Variants in SORCS1 observed in about 807,000 individuals in gnomAD.
The protein encoded by SORCS1 is VPS10 domain-containing receptor SorCS1.
Under a neutral mutation model 146.1 loss-of-function variants are expected in SORCS1, and 60 were observed. The observed-to-expected ratio is 0.41, with a 90% CI of 0.33 to 0.51. SORCS1 has a LOEUF of 0.51. SORCS1 is among the 20% of genes least tolerant of loss of function. The pLI is 0.21. For missense variants in SORCS1, 1,352 were observed against 1,487.6 expected (o/e 0.91, Z 1.50); for synonymous variants, 637 against 584.0 (o/e 1.09, Z -1.31).
chr10:106,938,130 G>A (rs971256617), intron 2 of SORCS1, among the ~76,000 whole-genome samples: 1 of 152,094 alleles, frequency 6.6e-6, no homozygotes, highest in Admixed American at 6.5e-5. Context: ...AAGAGAAGAG[G>A]ATGTAGAAAC....
intron 6 of SORCS1, among the ~76,000 whole-genome samples, chr10:106,722,396 T>C (rs981757236): frequency 3.3e-5 from 5 of 152,148 alleles, no homozygotes; most frequent in African/African-American, 1.2e-4. Context: ...AGCTGGTGGA[T>C]AGGAAGTAGA....
At chr10:107,166,580 A>C (rs577425489), upstream of SORCS1, among the ~76,000 whole-genome samples, 1 of 152,358 alleles carries the variant, frequency 6.6e-6, no homozygotes, top group East Asian at 1.9e-4. Context: ...TAGATGGAGG[A>C]GAGGAGAGCC....
At chr10:107,035,246 T>G (rs1393850285) in intron 1 of SORCS1, among the ~76,000 whole-genome samples, 1 of 141,134 alleles carries the variant, frequency 7.1e-6, no homozygotes, top group Non-Finnish European at 1.5e-5. Flanking sequence ...TTAGAGCATT[T>G]GGTCCAGTGA....
At chr10:106,842,517 A>G (rs984971327) in intron 2 of SORCS1, among the ~76,000 whole-genome samples, 3 of 151,986 alleles carry the variant, frequency 2.0e-5, no homozygotes, top group Non-Finnish European at 4.4e-5. Flanking sequence ...TACAGGCGTG[A>G]GCCATTGTGT....
chr10:107,029,191 C>G (rs181706426), intron 1 of SORCS1, among the ~76,000 whole-genome samples: 3 of 152,206 alleles, frequency 2.0e-5, no homozygotes, highest in African/African-American at 7.2e-5. Flanking sequence ...AATTCCTAGA[C>G]AAACCTGACT....
chr10:107,117,128 T>G (rs1447021219), intron 1 of SORCS1, among the ~76,000 whole-genome samples: 1 of 152,206 alleles, frequency 6.6e-6, no homozygotes, highest in Non-Finnish European at 1.5e-5. Flanking sequence ...CTATCCCTAT[T>G]GCAAAAAGTG....
intron 1 of SORCS1, among the ~76,000 whole-genome samples, chr10:106,993,122 G>C (rs940582854): frequency 6.6e-6 from 1 of 151,090 alleles, no homozygotes; most frequent in Non-Finnish European, 1.5e-5. Context: ...GAGCCACCAC[G>C]CCCAGCCGGG....
chr10:107,066,518 A>T (rs1961870866), intron 1 of SORCS1, among the ~76,000 whole-genome samples: 1 of 152,130 alleles, frequency 6.6e-6, no homozygotes, highest in African/African-American at 2.4e-5. Context: ...ATCTGCTACA[A>T]GGCTCTACAA....
chr10:106,747,651 C>T (rs1029018643), intron 5 of SORCS1, among the ~76,000 whole-genome samples: 1 of 152,122 alleles, frequency 6.6e-6, no homozygotes, highest in Non-Finnish European at 1.5e-5. Flanking sequence ...ACTATGACAA[C>T]CCTATTTAAC....
chr10:107,052,981 A>G (rs1462600526), intron 1 of SORCS1, among the ~76,000 whole-genome samples: 1 of 152,174 alleles, frequency 6.6e-6, no homozygotes, highest in Non-Finnish European at 1.5e-5. Context: ...TATTACTTTA[A>G]GGATGTAATC....
At chr10:106,825,303 G>C (rs1027972524) in intron 3 of SORCS1, among the ~76,000 whole-genome samples, 1 of 131,432 alleles carries the variant, frequency 7.6e-6, no homozygotes, top group African/African-American at 2.9e-5. Context: ...ACTGAGTCTC[G>C]CTCTGTCACC....
intron 1 of SORCS1, among the ~76,000 whole-genome samples, chr10:106,958,078 G>A (rs1267498713): frequency 1.3e-5 from 2 of 152,176 alleles, no homozygotes; most frequent in Non-Finnish European, 1.5e-5. Context: ...CTGCAGCAAT[G>A]AACAGAGTCC....
intron 1 of SORCS1, among the ~76,000 whole-genome samples, chr10:107,005,557 C>T (rs1957405577): frequency 6.6e-6 from 1 of 151,928 alleles, no homozygotes; most frequent in Non-Finnish European, 1.5e-5. Context: ...AAGTTGTATT[C>T]CCTTTTTTCC....
chr10:107,065,800 G>A (rs1412621298), intron 1 of SORCS1, among the ~76,000 whole-genome samples: 1 of 152,070 alleles, frequency 6.6e-6, no homozygotes, highest in African/African-American at 2.4e-5. Flanking sequence ...TTGCAGGCAT[G>A]AGCCACCACT....
chr10:106,601,270 G>C (rs532439273), intron 23 of SORCS1, among the ~76,000 whole-genome samples: 80 of 152,274 alleles, frequency 5.3e-4, no homozygotes, highest in African/African-American at 1.8e-3. Flanking sequence ...TTTCTGTCTG[G>C]TGAAAAGCGT....
rs182859497 is a variant in SORCS1, at chr10:106,963,366, C to T, written c.559-6786G>A. ...TCCTGACCTTGTGATCCGCCCACCTCGGCCTCCCAAAGTGCTGGGATTACA... is the reference window on the plus strand; with the variant it reads ...TCCTGACCTTGTGATCCGCCCACCTTGGCCTCCCAAAGTGCTGGGATTACA... On this transcript the variant is annotated intron_variant, in intron 1 of 25. Transcript: ENST00000263054. Among the ~76,000 whole-genome samples, 96 of 152,054 alleles carry T rather than the reference C, an allele frequency of 6.3e-4. 1 individual carries two copies. The highest frequency in any genetic ancestry group is 3.4e-3 in the Middle Eastern group (1 of 292).
chr10:107,011,516 C>T (rs1957695758), intron 1 of SORCS1, among the ~76,000 whole-genome samples: 1 of 152,174 alleles, frequency 6.6e-6, no homozygotes, highest in African/African-American at 2.4e-5. Flanking sequence ...AATGATCACT[C>T]CATTAGATGC....
intron 2 of SORCS1, among the ~76,000 whole-genome samples, chr10:106,903,202 C>A (rs1386402777): frequency 6.6e-6 from 1 of 152,190 alleles, no homozygotes; most frequent in African/African-American, 2.4e-5. Context: ...ATGTTTCCAA[C>A]CATAACATCC....
chr10:107,099,260 T>C (rs1964753148), intron 1 of SORCS1, among the ~76,000 whole-genome samples: 1 of 152,250 alleles, frequency 6.6e-6, no homozygotes, highest in South Asian at 2.1e-4. Context: ...GATATATCTC[T>C]CTTTATGTTA....
Sources: gnomAD v4.1 joint callset for allele counts (sites outside exome capture counted in the v4.1 genomes callset) on GRCh38, gnomAD v4.1.1 for gene constraint, MANE v1.5 for transcripts, NCBI Gene and HGNC (gene_info 2026-07-23, HGNC 2026-07-21) for gene names.